HTR4: variants seen among roughly 807,000 people sequenced by gnomAD.
HTR4 encodes the protein 5-hydroxytryptamine receptor 4, also known as 5-hydroxytryptamine (serotonin) receptor 4, G protein-coupled.
Under a neutral mutation model 36.8 loss-of-function variants are expected in HTR4, and 16 were observed. That is an observed-to-expected ratio of 0.43 (90% confidence interval 0.29 to 0.66). The LOEUF is 0.66. Among genes scored for constraint, HTR4 ranks in the 30% least tolerant of loss-of-function variants. HTR4 has a pLI of 0.13. For missense variants in HTR4, 438 were observed against 490.9 expected, an observed-to-expected ratio of 0.89 and a Z score of 1.02; for synonymous variants, 189 against 185.1, an observed-to-expected ratio of 1.02 and a Z score of -0.17.
chr5:148,505,531 G>T (rs1757151733), intron 6 of HTR4, among the ~76,000 whole-genome samples: 1 of 152,118 alleles, frequency 6.6e-6, no homozygotes, highest in South Asian at 2.1e-4. Context: ...AGGGCAATCA[G>T]GCAGGAGAAA....
chr5:148,473,275 C>A (rs1277574880), downstream of HTR4, among the ~76,000 whole-genome samples: 40 of 140,994 alleles, frequency 2.8e-4, no homozygotes, highest in Middle Eastern at 7.4e-3. Flanking sequence ...GCATTCCAGC[C>A]TGGGCAACAG....
intron 2 of HTR4, among the ~76,000 whole-genome samples, chr5:148,591,686 A>G (rs1477887198): frequency 6.6e-6 from 1 of 152,224 alleles, no homozygotes; most frequent in Non-Finnish European, 1.5e-5. Context: ...TGCTGCCAAC[A>G]AGCATATGAA....
At chr5:148,605,372 C>T (rs1214298618) in intron 2 of HTR4, among the ~76,000 whole-genome samples, 3 of 150,386 alleles carry the variant, frequency 2.0e-5, no homozygotes, top group East Asian at 2.0e-4. Flanking sequence ...GATTCTCCTG[C>T]CTCAGTCTCC....
intron 2 of HTR4, among the ~76,000 whole-genome samples, chr5:148,562,297 C>T (rs1163255123): frequency 6.6e-6 from 1 of 152,100 alleles, no homozygotes; most frequent in Non-Finnish European, 1.5e-5. Context: ...GACCCCTGCT[C>T]TTTTGTAACC....
At chr5:148,519,133 T>A (rs913477344) in intron 5 of HTR4, among the ~76,000 whole-genome samples, 3 of 152,192 alleles carry the variant, frequency 2.0e-5, no homozygotes, top group African/African-American at 7.2e-5. Context: ...GTCGTATAAT[T>A]CCCTTTATAA....
chr5:148,554,502 A>T (rs191912905), intron 2 of HTR4, among the ~76,000 whole-genome samples: 1 of 152,206 alleles, frequency 6.6e-6, no homozygotes, highest in Admixed American at 6.5e-5. Flanking sequence ...AGGATTCTAG[A>T]CTCAGAAAAT....
At chr5:148,653,970 C>T (rs997757534) in intron 1 of HTR4, 92 bp downstream of exon 1, 11 of 830,312 alleles carry the variant, frequency 1.3e-5, no homozygotes, top group South Asian at 5.4e-5. Context: ...CCCAAGCCCC[C>T]GACCCCGTCG....
chr5:148,521,818 C>T (rs950776942), intron 5 of HTR4, among the ~76,000 whole-genome samples: 3 of 152,094 alleles, frequency 2.0e-5, no homozygotes, highest in African/African-American at 7.2e-5. Flanking sequence ...CAGTTCAGAG[C>T]TGGGCTCAGG....
At chr5:148,540,403 T>TAC (rs1759051646) in intron 4 of HTR4, among the ~76,000 whole-genome samples, 1 of 3,358 alleles carries the variant, frequency 3.0e-4, no homozygotes, top group Non-Finnish European at 1.3e-3. Flanking sequence ...TGTGTGTGTA[T>TAC]ATATATATAT....
At chr5:148,465,973 G>A in intron 5 of HTR4, 2 of 1,580,132 alleles carry the variant, frequency 1.3e-6, no homozygotes, top group South Asian at 1.2e-5. Flanking sequence ...GAGCCAAGCA[G>A]AATTTGGGAA....
At chr5:148,556,476 A>T (rs1214982642) in intron 2 of HTR4, among the ~76,000 whole-genome samples, 2 of 152,230 alleles carry the variant, frequency 1.3e-5, no homozygotes, top group African/African-American at 4.8e-5. Context: ...ATATGTATTG[A>T]GTGCCAACTA....
At chr5:148,609,185 T>G (rs549458185) in intron 2 of HTR4, among the ~76,000 whole-genome samples, 1 of 152,222 alleles carries the variant, frequency 6.6e-6, no homozygotes, top group Non-Finnish European at 1.5e-5. Context: ...TATAATGGCA[T>G]TGCATTGCAC....
chr5:148,614,314 G>A (rs969678550), intron 2 of HTR4, among the ~76,000 whole-genome samples: 2 of 150,480 alleles, frequency 1.3e-5, no homozygotes, highest in African/African-American at 4.8e-5. Flanking sequence ...AAACAGCATG[G>A]TACTGGTACC....
chr5:148,551,337 T>C (rs527749093), intron 2 of HTR4, among the ~76,000 whole-genome samples: 6 of 152,344 alleles, frequency 3.9e-5, no homozygotes, highest in African/African-American at 1.2e-4. Flanking sequence ...GGAGAGATAG[T>C]AGCCAATAAA....
intron 2 of HTR4, among the ~76,000 whole-genome samples, chr5:148,554,563 T>C (rs1460728897): frequency 6.6e-6 from 1 of 152,140 alleles, no homozygotes; most frequent in African/African-American, 2.4e-5. Flanking sequence ...GGAGCACAGG[T>C]GAATGCGGAG....
At chr5:148,576,791 C>T (rs1326585266) in intron 2 of HTR4, among the ~76,000 whole-genome samples, 1 of 152,134 alleles carries the variant, frequency 6.6e-6, no homozygotes, top group African/African-American at 2.4e-5. Flanking sequence ...AGCTGGACTG[C>T]TTTCTTGTAC....
At chr5:148,615,403 C>A (rs1212762253) in intron 2 of HTR4, among the ~76,000 whole-genome samples, 8 of 150,900 alleles carry the variant, frequency 5.3e-5, no homozygotes, top group South Asian at 2.1e-4. Context: ...AATTGGAAAT[C>A]ATCATTCTCA....
intron 2 of HTR4, among the ~76,000 whole-genome samples, chr5:148,577,768 G>A (rs1459565174): frequency 6.6e-6 from 1 of 152,048 alleles, no homozygotes; most frequent in Non-Finnish European, 1.5e-5. Flanking sequence ...GCTAAATGAT[G>A]AGAACTTATG....
chr5:148,513,975 T>C (rs1411486026), intron 5 of HTR4, among the ~76,000 whole-genome samples: 1 of 152,222 alleles, frequency 6.6e-6, no homozygotes, highest in Non-Finnish European at 1.5e-5. Context: ...TTCAGCAACT[T>C]TGCTAAGTTA....
Sources: allele counts gnomAD v4.1 joint callset (sites outside exome capture counted in the v4.1 genomes callset), GRCh38; gene constraint gnomAD v4.1.1; transcripts MANE v1.5; gene names NCBI Gene and HGNC (gene_info 2026-07-23, HGNC 2026-07-21).